XKR4: variants seen among roughly 807,000 people sequenced by gnomAD.
The protein encoded by XKR4 is XK related 4, also known as XK-related protein 4.
Under a neutral mutation model 53.9 loss-of-function variants are expected in XKR4, and 12 were observed. That is an observed-to-expected ratio of 0.22 (90% confidence interval 0.14 to 0.36). The LOEUF is 0.36. Among genes scored for constraint, XKR4 ranks in the 10% least tolerant of loss-of-function variants. The probability of loss-of-function intolerance (pLI) is 1.00; values close to 1 mark genes in which losing one functional copy is unlikely to be tolerated. For missense variants in XKR4, 799 were observed against 859.5 expected (o/e 0.93, Z 0.88); for synonymous variants, 354 against 362.4 (o/e 0.98, Z 0.26).
chr8:55,346,661 CAAA>C (rs1359783534), intron 1 of XKR4, among the ~76,000 whole-genome samples: 1 of 145,876 alleles, frequency 6.9e-6, no homozygotes, highest in Non-Finnish European at 1.5e-5. Context: ...TTAAGAGTAA[CAAA>C]AACAGAAACC....
At chr8:55,440,272 T>TAGA (rs1207720572) in intron 2 of XKR4, among the ~76,000 whole-genome samples, 1 of 152,058 alleles carries the variant, frequency 6.6e-6, no homozygotes, top group Admixed American at 6.5e-5. Flanking sequence ...ATAAAAAAGG[T>TAGA]AGAAGATGCA....
chr8:55,388,318 C>T (rs1181101373), intron 2 of XKR4, among the ~76,000 whole-genome samples: 1 of 152,136 alleles, frequency 6.6e-6, no homozygotes, highest in African/African-American at 2.4e-5. Flanking sequence ...GACATATTCT[C>T]AAAAGGCTGT....
At chr8:55,282,505 T>C (rs1473172062) in intron 1 of XKR4, among the ~76,000 whole-genome samples, 2 of 152,146 alleles carry the variant, frequency 1.3e-5, no homozygotes, top group African/African-American at 2.4e-5. Context: ...AGGCATCACA[T>C]GGTGCTAGAT....
intron 1 of XKR4, among the ~76,000 whole-genome samples, chr8:55,125,651 G>A (rs1355138246): frequency 6.6e-6 from 1 of 152,040 alleles, no homozygotes; most frequent in African/African-American, 2.4e-5. Context: ...AAATTTATTT[G>A]CAATATATTA....
chr8:55,305,756 C>A (rs1487637602), intron 1 of XKR4, among the ~76,000 whole-genome samples: 2 of 151,980 alleles, frequency 1.3e-5, no homozygotes, highest in African/African-American at 4.8e-5. Flanking sequence ...GTTCTCATTC[C>A]CAACCCACCA....
chr8:55,290,036 T>C (rs917347975), intron 1 of XKR4, among the ~76,000 whole-genome samples: 67 of 152,140 alleles, frequency 4.4e-4, no homozygotes, highest in African/African-American at 1.6e-3. Flanking sequence ...GTCATTTTGG[T>C]AAGTGTTTAG....
intron 1 of XKR4, among the ~76,000 whole-genome samples, chr8:55,108,925 G>A (rs779525960): frequency 9.9e-5 from 15 of 152,106 alleles, no homozygotes; most frequent in Admixed American, 5.9e-4. Flanking sequence ...ACTGATATGG[G>A]AGGGGTGAAA....
chr8:55,312,573 C>T (rs1289250575), intron 1 of XKR4, among the ~76,000 whole-genome samples: 1 of 152,062 alleles, frequency 6.6e-6, no homozygotes, highest in Non-Finnish European at 1.5e-5. Flanking sequence ...ACTGCAGGCA[C>T]TTTAGGGAAT....
chr8:55,461,413 CCTGA>C (rs1805655772), intron 2 of XKR4, among the ~76,000 whole-genome samples: 1 of 152,334 alleles, frequency 6.6e-6, no homozygotes, highest in African/African-American at 2.4e-5. Flanking sequence ...AGCTGAGGGT[CCTGA>C]CTGTTAGAAG....
At chr8:55,356,845 C>T (rs1033100880) in intron 1 of XKR4, among the ~76,000 whole-genome samples, 18 of 152,124 alleles carry the variant, frequency 1.2e-4, no homozygotes, top group Admixed American at 9.2e-4. Flanking sequence ...ACAGCAAAAC[C>T]AACCCCTCCT....
chr8:55,303,526 A>C (rs1819238747), intron 1 of XKR4, among the ~76,000 whole-genome samples: 2 of 152,314 alleles, frequency 1.3e-5, no homozygotes, highest in South Asian at 2.1e-4. Context: ...TGAGTTAAGG[A>C]GGATTCCCTC....
chr8:55,419,836 G>C (rs1235417259), intron 2 of XKR4, among the ~76,000 whole-genome samples: 1 of 152,204 alleles, frequency 6.6e-6, no homozygotes, highest in African/African-American at 2.4e-5. Flanking sequence ...GATGGGTAGA[G>C]TGGAGAAAAT....
chr8:55,386,274 C>G (rs1390479176), intron 2 of XKR4, among the ~76,000 whole-genome samples: 27 of 152,318 alleles, frequency 1.8e-4, no homozygotes, highest in Non-Finnish European at 1.5e-5. Flanking sequence ...GAGTCTTCCC[C>G]AGAGTCCACT....
chr8:55,526,014 C>T lies in XKR4; in HGVS notation c.*1787C>T, dbSNP rs1013905233. The stretch of plus-strand genomic sequence containing the variant: ...GCTTGTCAAGACTGGCCAATGTTTC[C>T]CAGGAAATCAAAGATGTAAATGATT... On this transcript the variant is annotated 3_prime_UTR_variant, in exon 3 of 3. Transcript: ENST00000327381. 6.6e-6 allele frequency: 1 copy of T among 152,478 alleles called. No individual in the cohort carries two copies. The highest frequency in any genetic ancestry group is 1.5e-5 in the Non-Finnish European group (1 of 68,002). The allele number at this position is 152,478 out of a possible 1,614,324, so 9.4% of individuals were successfully genotyped here.
chr8:55,454,972 C>T, intron 2 of XKR4: 2 of 859,632 alleles, frequency 2.3e-6, no homozygotes, highest in Non-Finnish European at 4.0e-6. Flanking sequence ...GTGGATTCCT[C>T]TCGGGACACA....
intron 2 of XKR4, among the ~76,000 whole-genome samples, chr8:55,405,156 C>T (rs1199826884): frequency 6.6e-6 from 1 of 152,172 alleles, no homozygotes; most frequent in Non-Finnish European, 1.5e-5. Flanking sequence ...TAACACCCGT[C>T]GGGCCAGAGG....
At chr8:55,227,382 A>C (rs1305698004) in intron 1 of XKR4, among the ~76,000 whole-genome samples, 1 of 152,178 alleles carries the variant, frequency 6.6e-6, no homozygotes, top group Non-Finnish European at 1.5e-5. Flanking sequence ...CAGGCCCAAG[A>C]CTGAGGGTGG....
intron 2 of XKR4, among the ~76,000 whole-genome samples, chr8:55,401,700 T>C (rs1804603876): frequency 6.6e-6 from 1 of 152,232 alleles, no homozygotes; most frequent in Non-Finnish European, 1.5e-5. Flanking sequence ...GGCCAGGTCC[T>C]TTCCATTAAG....
intron 1 of XKR4, among the ~76,000 whole-genome samples, chr8:55,241,611 G>A (rs1172318882): frequency 6.6e-6 from 1 of 152,070 alleles, no homozygotes; most frequent in Non-Finnish European, 1.5e-5. Flanking sequence ...AGCCAAATTT[G>A]GCTTCATACC....
Sources: allele counts gnomAD v4.1 joint callset (sites outside exome capture counted in the v4.1 genomes callset), GRCh38; gene constraint gnomAD v4.1.1; transcripts MANE v1.5; gene names NCBI Gene and HGNC (gene_info 2026-07-23, HGNC 2026-07-21).